The following MORF4L1 variants were observed in gnomAD, a reference collection of about 807,000 sequenced individuals.
The protein encoded by MORF4L1 is mortality factor 4 like 1.
A neutral mutation model predicts 52.9 loss-of-function variants in MORF4L1; 4 were observed. The ratio of observed to expected loss-of-function variants is 0.08; its 90% confidence interval spans 0.04 to 0.17. MORF4L1 has a LOEUF of 0.17. MORF4L1 is among the 10% of genes least tolerant of loss of function. MORF4L1 has a pLI of 1.00. For synonymous variants in MORF4L1, 123 were observed against 134.8 expected, an observed-to-expected ratio of 0.91 and a Z score of 0.61; for missense variants, 214 against 390.4, an observed-to-expected ratio of 0.55 and a Z score of 3.81.
At chr15:78,877,932 G>T (rs1456606457) in intron 1 of MORF4L1, 3 of 312,720 alleles carry the variant, frequency 9.6e-6, no homozygotes, top group Non-Finnish European at 1.2e-5. Context: ...CGACAGCTTT[G>T]CAGGAGAGTC....
chr15:78,883,474 T>C (rs1370125426), intron 3 of MORF4L1, among the ~76,000 whole-genome samples: 1 of 152,214 alleles, frequency 6.6e-6, no homozygotes, highest in Non-Finnish European at 1.5e-5. Context: ...AAATACCAAA[T>C]GCTTGTATTT....
intron 3 of MORF4L1, among the ~76,000 whole-genome samples, chr15:78,881,688 T>C (rs978278400): frequency 2.0e-5 from 3 of 152,238 alleles, no homozygotes; most frequent in Non-Finnish European, 4.4e-5. Context: ...TTGGTGATTG[T>C]AATGAAAAGA....
rs1249383821 is a variant in MORF4L1 at position 78,886,364 on chromosome 15, G to A, written c.242+137G>A. 5 of 753,062 alleles carry A rather than the reference G, an allele frequency of 6.6e-6. No individual in the cohort carries two copies. In the East Asian group the frequency reaches 1.3e-4, roughly 20 times the overall value. The allele number at this position is 753,062 out of a possible 1,614,324, so 46.6% of individuals were successfully genotyped here. On this transcript the variant is annotated intron_variant, in intron 4 of 11. Transcript: ENST00000426013. ...GGTACCTTTCAGCTGCTGTGTTACAGCTTTGACTTCAAGCGATCAAGCCAT... is the reference window on the plus strand; with the variant it reads ...GGTACCTTTCAGCTGCTGTGTTACAACTTTGACTTCAAGCGATCAAGCCAT...
Position 78,873,204 on chromosome 15 carries a change from C to T in MORF4L1, c.40+147C>T, listed in dbSNP as rs1161841816. 1.3e-5 allele frequency: 19 copies of T among 1,513,792 alleles called. No homozygotes were observed. In the South Asian group the frequency reaches 1.9e-4, roughly 15 times the overall value. 93.8% of individuals were successfully genotyped at this position (1,513,792 alleles called of 1,614,324 possible). ...TGCTTTGTGCGGGGAAAGCGCATTGCGGATGGCAATTCCGGTGCGTCATTG... is the reference window on the plus strand; with the variant it reads ...TGCTTTGTGCGGGGAAAGCGCATTGTGGATGGCAATTCCGGTGCGTCATTG... On this transcript the variant is annotated intron_variant, in intron 1 of 11. Coordinates refer to ENST00000426013, the MANE Select transcript of MORF4L1 (RefSeq NM_006791.4).
chr15:78,891,178 CTT>C, intron 6 of MORF4L1, 164 bp downstream of exon 6: 1 of 894,380 alleles, frequency 1.1e-6, no homozygotes, highest in Non-Finnish European at 1.7e-6. Context: ...GTAGAGACCT[CTT>C]TTTGCCAAGG....
chr15:78,883,529 G>C (rs954711844), intron 3 of MORF4L1, among the ~76,000 whole-genome samples: 2 of 152,078 alleles, frequency 1.3e-5, no homozygotes, highest in Admixed American at 1.3e-4. Context: ...TTCCTCTTTG[G>C]TGTATTGTAG....
At chr15:78,891,658 C>T (rs2141481591) in intron 7 of MORF4L1, 86 bp downstream of exon 7, 2 of 1,109,372 alleles carry the variant, frequency 1.8e-6, no homozygotes, top group Admixed American at 2.4e-5. Context: ...TGATTATCTA[C>T]AAGATTTGCT....
At chr15:78,881,201 T>TTTTTTTTC (rs1317788042) in intron 3 of MORF4L1, among the ~76,000 whole-genome samples, 1 of 140,620 alleles carries the variant, frequency 7.1e-6, no homozygotes, top group African/African-American at 2.7e-5. Flanking sequence ...TTTTTTTTTT[T>TTTTTTTTC]TTTTTTTGAG....
At chr15:78,885,181 G>A (rs1314087810) in intron 3 of MORF4L1, 2 of 928,578 alleles carry the variant, frequency 2.2e-6, no homozygotes, top group Non-Finnish European at 3.2e-6. Flanking sequence ...TCAGAGGTGG[G>A]AAATCATTAA....
chr15:78,895,873 T>C (rs922833649), intron 11 of MORF4L1, among the ~76,000 whole-genome samples: 1 of 152,196 alleles, frequency 6.6e-6, no homozygotes, highest in Admixed American at 6.5e-5. Flanking sequence ...GCAAGATTTA[T>C]CATCTTTTCT....
intron 11 of MORF4L1, among the ~76,000 whole-genome samples, chr15:78,896,066 C>T (rs2056882630): frequency 6.6e-6 from 1 of 152,104 alleles, no homozygotes; most frequent in Non-Finnish European, 1.5e-5. Flanking sequence ...ACAACCTCCG[C>T]CTCTTGGGTT....
In MORF4L1 at chr15:78,895,005, C is replaced by T. The variant is rs138496008; in HGVS notation, c.887+101C>T. On this transcript the variant is annotated intron_variant, in intron 11 of 11. Transcript: ENST00000426013. ...TAAAACATTAAACATTATATTGGTA[C>T]AGGCATAGATAGTTGGTAATGGAGC... The T allele has an allele frequency of 8.7e-5, 81 of 929,390 alleles. 1 individual carries two copies. In the African/African-American group the frequency reaches 1.1e-3, roughly 13 times the overall value. 57.6% of individuals were successfully genotyped at this position (929,390 alleles called of 1,614,324 possible). A position where few individuals can be genotyped will look rare whatever the true frequency, so the allele number is the denominator to read the frequency against.
intron 11 of MORF4L1, among the ~76,000 whole-genome samples, chr15:78,895,376 A>G (rs887900680): frequency 6.6e-6 from 1 of 152,254 alleles, no homozygotes; most frequent in African/African-American, 2.4e-5. Context: ...CAATGGCAGC[A>G]CAAAGGACCA....
chr15:78,879,463 A>G (rs1596240765), intron 2 of MORF4L1, among the ~76,000 whole-genome samples: 1 of 142,422 alleles, frequency 7.0e-6, no homozygotes, highest in African/African-American at 2.5e-5. Flanking sequence ...CTCGTGATCC[A>G]CCTGCCTCGG....
intron 3 of MORF4L1, among the ~76,000 whole-genome samples, chr15:78,882,914 A>C (rs1474469915): frequency 1.3e-5 from 2 of 152,154 alleles, no homozygotes; most frequent in Non-Finnish European, 2.9e-5. Flanking sequence ...GCAAATAAAA[A>C]TTTTAAAAAA....
In MORF4L1 at chr15:78,872,900, C is replaced by G; in HGVS notation, c.-118C>G. On this transcript the variant is annotated 5_prime_UTR_variant, in exon 1 of 12. Transcript: ENST00000426013. ...TCTGCGGGCGCTGGCAAATCCGGCC[C>G]AGGATGTAGAGCTGGCAGTGCCTGA... 6.8e-6 allele frequency: 10 copies of G among 1,460,728 alleles called. No homozygotes were observed. In the South Asian group the frequency reaches 1.4e-4, roughly 20 times the overall value. 90.5% of individuals were successfully genotyped at this position (1,460,728 alleles called of 1,614,324 possible). A position where few individuals can be genotyped will look rare whatever the true frequency, so the allele number is the denominator to read the frequency against.
intron 3 of MORF4L1, among the ~76,000 whole-genome samples, chr15:78,881,558 G>A (rs734287): frequency 0.31 from 46,560 of 151,840 alleles, 9,245 homozygotes; most frequent in East Asian, 0.73. Flanking sequence ...GGAATGGACA[G>A]TGGGTATAGA....
chr15:78,882,325 AAAC>A (rs1392961845), intron 3 of MORF4L1, among the ~76,000 whole-genome samples: 3 of 152,210 alleles, frequency 2.0e-5, no homozygotes, highest in Non-Finnish European at 2.9e-5. Flanking sequence ...CTTTAAAAAG[AAAC>A]AACAACATGT....
intron 5 of MORF4L1, among the ~76,000 whole-genome samples, chr15:78,889,994 A>G (rs937151801): frequency 6.6e-6 from 1 of 152,054 alleles, no homozygotes; most frequent in South Asian, 2.1e-4. Flanking sequence ...AGGCCGAGGT[A>G]TGCGAATCAC....
Sources: gnomAD v4.1 joint callset for allele counts (sites outside exome capture counted in the v4.1 genomes callset) on GRCh38, gnomAD v4.1.1 for gene constraint, MANE v1.5 for transcripts, NCBI Gene and HGNC (gene_info 2026-07-23, HGNC 2026-07-21) for gene names.